The following PELI2 variants were observed in gnomAD, a reference collection of about 807,000 sequenced individuals.
PELI2 encodes E3 ubiquitin-protein ligase pellino homolog 2.
In PELI2, 23 loss-of-function variants were observed where a neutral mutation model predicts 42.3. That is an observed-to-expected ratio of 0.54 (90% confidence interval 0.39 to 0.77). The LOEUF is 0.77. PELI2 is among the 30% of genes least tolerant of loss of function. The probability of loss-of-function intolerance (pLI) is 0.00; values close to 1 mark genes in which losing one functional copy is unlikely to be tolerated. For synonymous variants in PELI2, 245 were observed against 212.2 expected (o/e 1.15, Z -1.34); for missense variants, 463 against 553.2 (o/e 0.84, Z 1.64).
chr14:56,168,393 G>T (rs1885044751), intron 1 of PELI2, among the ~76,000 whole-genome samples: 1 of 152,292 alleles, frequency 6.6e-6, no homozygotes, highest in South Asian at 2.1e-4. Flanking sequence ...AGAAGGTGCA[G>T]TTCTTCCTGT....
At chr14:56,283,073 GA>G (rs1266348187) in intron 3 of PELI2, among the ~76,000 whole-genome samples, 1 of 152,166 alleles carries the variant, frequency 6.6e-6, no homozygotes. Context: ...CCTTTAAGAA[GA>G]ATCTTGTTTC....
chr14:56,232,098 G>A (rs1015170518), intron 2 of PELI2, among the ~76,000 whole-genome samples: 9 of 152,268 alleles, frequency 5.9e-5, no homozygotes, highest in Admixed American at 1.3e-4. Context: ...AGCAGGCTCT[G>A]AAATCGTGGC....
chr14:56,215,590 CATATTTGGTGTTCAACTGTA>C (rs1324909627), intron 2 of PELI2, among the ~76,000 whole-genome samples: 1 of 152,190 alleles, frequency 6.6e-6, no homozygotes, highest in Non-Finnish European at 1.5e-5. Flanking sequence ...GTTGGAAATT[CATATTTGGTGTTCAACTGTA>C]ATACTATTTT....
At chr14:56,254,362 C>T (rs1453591010) in intron 2 of PELI2, among the ~76,000 whole-genome samples, 1 of 149,124 alleles carries the variant, frequency 6.7e-6, no homozygotes, top group Non-Finnish European at 1.5e-5. Flanking sequence ...TGCGCCACTG[C>T]ACTCCAGCCT....
chr14:56,259,405 A>T (rs1393467246), intron 2 of PELI2, among the ~76,000 whole-genome samples: 1 of 152,178 alleles, frequency 6.6e-6, no homozygotes, highest in African/African-American at 2.4e-5. Context: ...TATAACATGC[A>T]TAGAGATAAA....
chr14:56,181,301 C>G (rs1029346308), intron 2 of PELI2, among the ~76,000 whole-genome samples: 1 of 150,504 alleles, frequency 6.6e-6, no homozygotes, highest in East Asian at 2.0e-4. Context: ...ATCCTTCTTC[C>G]TGTGTCTCTG....
At chr14:56,179,169 C>A (rs924513714) in intron 2 of PELI2, among the ~76,000 whole-genome samples, 1 of 152,032 alleles carries the variant, frequency 6.6e-6, no homozygotes, top group African/African-American at 2.4e-5. Context: ...CGATTTATTA[C>A]AGTGTTTCTT....
intron 2 of PELI2, among the ~76,000 whole-genome samples, chr14:56,254,125 G>C (rs1303962671): frequency 6.6e-6 from 1 of 152,150 alleles, no homozygotes; most frequent in Non-Finnish European, 1.5e-5. Flanking sequence ...TGTTGGCCAG[G>C]CGTGGTGGCT....
At chr14:56,280,206 C>T (rs571955484) in intron 3 of PELI2, among the ~76,000 whole-genome samples, 23 of 152,066 alleles carry the variant, frequency 1.5e-4, no homozygotes, top group African/African-American at 4.6e-4. Flanking sequence ...AAATGCCTTA[C>T]GTGCTTTCAT....
At chr14:56,268,902 G>C (rs546867531) in intron 2 of PELI2, among the ~76,000 whole-genome samples, 17 of 152,278 alleles carry the variant, frequency 1.1e-4, no homozygotes, top group African/African-American at 4.1e-4. Flanking sequence ...GCTGCTACAC[G>C]GAGTCATTGT....
chr14:56,231,970 A>G (rs1211310169), intron 2 of PELI2, among the ~76,000 whole-genome samples: 2 of 152,244 alleles, frequency 1.3e-5, no homozygotes, highest in African/African-American at 4.8e-5. Flanking sequence ...ATCAGAGAAT[A>G]CTGTAAACAC....
intron 5 of PELI2, among the ~76,000 whole-genome samples, chr14:56,294,364 C>A (rs1889931733): frequency 6.6e-6 from 1 of 152,170 alleles, no homozygotes; most frequent in Non-Finnish European, 1.5e-5. Context: ...TCATGGACTC[C>A]AGCTCCTTGC....
Position 56,179,375 on chromosome 14 carries a change from G to A in PELI2, c.207+911G>A, listed in dbSNP as rs139662816. Reference sequence around the variant, plus strand: ...AAGGAATGGCTTCATGGAAGCATGTGTGATATTTATATGCAATGTAAACAT... The same window carrying A: ...AAGGAATGGCTTCATGGAAGCATGTATGATATTTATATGCAATGTAAACAT... On this transcript the variant is annotated intron_variant, in intron 2 of 5. Coordinates refer to ENST00000267460, the MANE Select transcript of PELI2 (RefSeq NM_021255.3). 7.9e-5 allele frequency among the ~76,000 whole-genome samples: 12 copies of A among 152,222 alleles called. No individual in the cohort carries two copies. In the East Asian group the frequency reaches 1.9e-3, roughly 24 times the overall value.
At chr14:56,128,886 T>C (rs1242590633) in intron 1 of PELI2, among the ~76,000 whole-genome samples, 5 of 151,290 alleles carry the variant, frequency 3.3e-5, no homozygotes, top group Admixed American at 1.3e-4. Flanking sequence ...AAATTTGTTT[T>C]TGGGGGAGGG....
intron 1 of PELI2, among the ~76,000 whole-genome samples, chr14:56,174,583 C>T (rs921911730): frequency 1.3e-5 from 2 of 152,090 alleles, no homozygotes; most frequent in African/African-American, 2.4e-5. Context: ...TTGCTGTTCT[C>T]GTGATAGTGA....
chr14:56,180,622 A>G lies in PELI2; in HGVS notation c.207+2158A>G, dbSNP rs1417912989. On this transcript the variant is annotated intron_variant, in intron 2 of 5. Coordinates refer to ENST00000267460, the MANE Select transcript of PELI2 (RefSeq NM_021255.3). This position sits in a 1 kb window ranked among gnomAD's most constrained non-coding sequence, Gnocchi z 4.4. ...CATATTTATTGTGAGCAGATCAACC[A>G]CACCATGTTGCCTTTCAGACTCTCA... 6.6e-6 allele frequency among the ~76,000 whole-genome samples: 1 copy of G among 152,186 alleles called. No homozygotes were observed. Among genetic ancestry groups the G allele is most frequent in the African/African-American group, 2.4e-5 (1 of 41,438 alleles).
intron 3 of PELI2, among the ~76,000 whole-genome samples, chr14:56,285,401 G>C (rs550485731): frequency 6.6e-6 from 1 of 152,304 alleles, no homozygotes; most frequent in African/African-American, 2.4e-5. Flanking sequence ...TCCAAGTTCT[G>C]TTTGGCATAT....
chr14:56,239,823 C>T (rs1382109046), intron 2 of PELI2, among the ~76,000 whole-genome samples: 2 of 152,100 alleles, frequency 1.3e-5, no homozygotes, highest in African/African-American at 4.8e-5. Flanking sequence ...GTGTGACTTT[C>T]AGCAAATTCC....
chr14:56,225,378 A>C (rs1566648665), intron 2 of PELI2, among the ~76,000 whole-genome samples: 1 of 152,164 alleles, frequency 6.6e-6, no homozygotes, highest in Admixed American at 6.5e-5. Context: ...AGGTAAGACT[A>C]CCAGGAGTGA....
Sources: allele counts gnomAD v4.1 joint callset (sites outside exome capture counted in the v4.1 genomes callset), GRCh38; gene constraint gnomAD v4.1.1; non-coding constraint Gnocchi (gnomAD v3.1); transcripts MANE v1.5; gene names NCBI Gene and HGNC (gene_info 2026-07-23, HGNC 2026-07-21).